Variants in MYH9 observed in about 807,000 individuals in gnomAD.
MYH9 encodes the protein myosin heavy chain 9, also known as myosin-9.
MYH9 carries 29 observed loss-of-function variants against 241.9 expected under a neutral mutation model. That is an observed-to-expected ratio of 0.12 (90% CI 0.09 to 0.16). The LOEUF (loss-of-function observed/expected upper bound fraction) is 0.16, where lower values mean the gene tolerates loss of function less well. MYH9 is among the 10% of genes least tolerant of loss of function. The pLI is 1.00. For missense variants in MYH9, 1,803 were observed against 2,595.5 expected, an observed-to-expected ratio of 0.69 and a Z score of 6.63; for synonymous variants, 1,047 against 1,062.6, an observed-to-expected ratio of 0.99 and a Z score of 0.29.
In MYH9 at chr22:36,387,862, G is replaced by C. The variant is rs1054162491; in HGVS notation, c.-75C>G. The stretch of plus-strand genomic sequence containing the variant: ...CTGCTTCTCCCGAGAGGACTTTCTC[G>C]AGCGCTCGGGCGGCGGCCGGGTGGG... On this transcript the variant is annotated 5_prime_UTR_variant, in exon 1 of 41. Transcript: ENST00000216181. The C allele has an allele frequency of 5.9e-5, 9 of 152,200 alleles. No homozygotes were observed. The highest frequency in any genetic ancestry group is 1.2e-4 in the Non-Finnish European group (8 of 68,110). 9.4% of individuals were successfully genotyped at this position (152,200 alleles called of 1,614,324 possible). A position where few individuals can be genotyped will look rare whatever the true frequency, so the allele number is the denominator to read the frequency against.
rs28616024 is a variant in MYH9, at chr22:36,290,302, G to A, written c.4345-1005C>T. Among the ~76,000 whole-genome samples the A allele has an allele frequency of 4.5e-3, 648 of 143,366 alleles. 1 individual carries two copies. Among genetic ancestry groups the A allele is most frequent in the African/African-American group, 0.016 (609 of 37,134 alleles). The allele number at this position is 143,366 out of a possible 152,430, so 94.1% of individuals were successfully genotyped here. ...ATCACTTGAGCTGTGGTTGCACCACGGCACCCCAGCCTGGGCAACAGACAG... is the reference window on the plus strand; with the variant it reads ...ATCACTTGAGCTGTGGTTGCACCACAGCACCCCAGCCTGGGCAACAGACAG... On this transcript the variant is annotated intron_variant, in intron 31 of 40. Coordinates refer to ENST00000216181, the MANE Select transcript of MYH9 (RefSeq NM_002473.6).
chr22:36,371,047 A>T (rs1211959711), intron 1 of MYH9, among the ~76,000 whole-genome samples: 2 of 152,166 alleles, frequency 1.3e-5, no homozygotes, highest in African/African-American at 2.4e-5. Context: ...ACCGTCCTGG[A>T]GGGCTCCTCC....
In MYH9 at chr22:36,384,838, A is replaced by T. The variant is rs2018326613; in HGVS notation, c.-20+2969T>A. Among the ~76,000 whole-genome samples the T allele has an allele frequency of 1.3e-5, 2 of 151,418 alleles. 1 individual carries two copies. Among genetic ancestry groups the T allele is most frequent in the South Asian group, 4.2e-4 (2 of 4,812 alleles). ...AGGATTTGAACTCGGCCTGTTTCCAAAGCTCACGTTCTTTCCACTACCCCA... is the reference window on the plus strand; with the variant it reads ...AGGATTTGAACTCGGCCTGTTTCCATAGCTCACGTTCTTTCCACTACCCCA... On this transcript the variant is annotated intron_variant, in intron 1 of 40. Coordinates refer to ENST00000216181, the MANE Select transcript of MYH9 (RefSeq NM_002473.6).
intron 1 of MYH9, among the ~76,000 whole-genome samples, chr22:36,355,927 A>T (rs2017848863): frequency 6.6e-6 from 1 of 151,980 alleles, no homozygotes; most frequent in Admixed American, 6.6e-5. Flanking sequence ...TGCACAAGGG[A>T]CTCCATCCTT....
chr22:36,379,942 C>CTTT (rs2018230540), intron 1 of MYH9, among the ~76,000 whole-genome samples: 1 of 152,226 alleles, frequency 6.6e-6, no homozygotes, highest in Admixed American at 6.5e-5. Context: ...GCCTAGGTTA[C>CTTT]TTTTTAAAGA....
intron 1 of MYH9, among the ~76,000 whole-genome samples, chr22:36,356,551 A>G (rs1004072803): frequency 1.4e-5 from 2 of 138,780 alleles, no homozygotes; most frequent in Non-Finnish European, 3.0e-5. Flanking sequence ...ACTGCACTCC[A>G]GCCTGGGCAA....
At chr22:36,301,982 A>G (rs1280936586) in intron 20 of MYH9, among the ~76,000 whole-genome samples, 1 of 152,250 alleles carries the variant, frequency 6.6e-6, no homozygotes, top group Non-Finnish European at 1.5e-5. Flanking sequence ...CCTAGGGAAC[A>G]GCACACTACC....
At chr22:36,353,440 A>C (rs1363588669) in intron 1 of MYH9, among the ~76,000 whole-genome samples, 1 of 151,958 alleles carries the variant, frequency 6.6e-6, no homozygotes, top group Non-Finnish European at 1.5e-5. Flanking sequence ...AGCTCGCTGC[A>C]ACCTCCACCT....
At chr22:36,377,767 G>A (rs867371884) in intron 1 of MYH9, among the ~76,000 whole-genome samples, 13 of 152,098 alleles carry the variant, frequency 8.5e-5, no homozygotes, top group East Asian at 1.9e-4. Flanking sequence ...AAAATTAGCC[G>A]GGCACGGTGG....
chr22:36,289,432 C>CA, intron 31 of MYH9, 135 bp from the exon 32 acceptor site: 1 of 768,110 alleles, frequency 1.3e-6, no homozygotes, highest in Middle Eastern at 3.7e-4. Context: ...AGCACAGGCC[C>CA]AGGGCTGTGC....
At position 36,293,094 on chromosome 22, in the gene MYH9, C is replaced by A. The variant is rs1355353947; in HGVS notation, c.4095+235G>T. ...AGCAATGCTGAATTTCAGCTAAAGA[C>A]TGGTGAAAATAAAGGTGTAAAATAG... is the stretch of plus-strand genomic sequence containing the variant. On this transcript the variant is annotated intron_variant, in intron 30 of 40. Transcript: ENST00000216181. This position sits in a 1 kb window ranked among gnomAD's most constrained non-coding sequence, Gnocchi z 5.1. Among the ~76,000 whole-genome samples the A allele has an allele frequency of 6.6e-6, 1 of 152,248 alleles. No homozygotes were observed. Among genetic ancestry groups the A allele is most frequent in the Non-Finnish European group, 1.5e-5 (1 of 68,046 alleles).
At chr22:36,382,914 C>T (rs889787892) in intron 1 of MYH9, among the ~76,000 whole-genome samples, 14 of 152,104 alleles carry the variant, frequency 9.2e-5, no homozygotes, top group Non-Finnish European at 1.9e-4. Context: ...TAGGGAGATA[C>T]GGCACCTCCT....
chr22:36,293,292 G>A lies in MYH9; in HGVS notation c.4095+37C>T. On this transcript the variant is annotated intron_variant, in intron 30 of 40. Coordinates refer to ENST00000216181, the MANE Select transcript of MYH9 (RefSeq NM_002473.6). The surrounding 1 kb of genome is among the most constrained non-coding windows in gnomAD (Gnocchi z 5.1). ...CCAGTGCCCGGCCAGCAGCTCCCCA[G>A]CCTGCAGAGTCCGGCCGGTCCCCCA... The A allele has an allele frequency of 6.2e-7, 1 of 1,612,982 alleles. No individual in the cohort carries two copies. Among genetic ancestry groups the A allele is most frequent in the South Asian group, 1.1e-5 (1 of 91,066 alleles).
intron 1 of MYH9, among the ~76,000 whole-genome samples, chr22:36,362,634 G>A (rs1346193798): frequency 6.6e-6 from 1 of 152,092 alleles, no homozygotes; most frequent in Non-Finnish European, 1.5e-5. Flanking sequence ...ATGCCAGCAC[G>A]CTCGGCTAAT....
chr22:36,379,273 C>G (rs544096918), intron 1 of MYH9, among the ~76,000 whole-genome samples: 1 of 152,060 alleles, frequency 6.6e-6, no homozygotes, highest in Admixed American at 6.5e-5. Flanking sequence ...TTCGGGAGGC[C>G]GAGGCGGGTG....
At chr22:36,374,316 T>C (rs1157271541) in intron 1 of MYH9, among the ~76,000 whole-genome samples, 1 of 152,154 alleles carries the variant, frequency 6.6e-6, no homozygotes, top group East Asian at 1.9e-4. Flanking sequence ...TCAGGAGTTT[T>C]TGAGACCAGC....
At chr22:36,286,255 G>A (rs892531145) in intron 35 of MYH9, among the ~76,000 whole-genome samples, 6 of 152,192 alleles carry the variant, frequency 3.9e-5, no homozygotes, top group South Asian at 2.1e-4. Flanking sequence ...CACTCAGGGC[G>A]GCCCCTCCCT....
At chr22:36,359,879 A>C (rs1446448207) in intron 1 of MYH9, among the ~76,000 whole-genome samples, 3 of 152,166 alleles carry the variant, frequency 2.0e-5, no homozygotes, top group Non-Finnish European at 4.4e-5. Context: ...GGTTCTGCAA[A>C]CCCTAAGATA....
chr22:36,297,205 A>G (rs1320215105), intron 24 of MYH9, 191 bp from the exon 25 acceptor site: 2 of 644,650 alleles, frequency 3.1e-6, no homozygotes, highest in East Asian at 2.8e-5. Flanking sequence ...AGCCCCTGGC[A>G]TGTCTCTCTC....
Sources: allele counts gnomAD v4.1 joint callset (sites outside exome capture counted in the v4.1 genomes callset), GRCh38; gene constraint gnomAD v4.1.1; non-coding constraint Gnocchi (gnomAD v3.1); transcripts MANE v1.5; gene names NCBI Gene and HGNC (gene_info 2026-07-23, HGNC 2026-07-21).